The following NCOR1 variants were observed in gnomAD, a reference collection of about 807,000 sequenced individuals.
NCOR1 encodes nuclear receptor corepressor 1.
Under a neutral mutation model 288.1 loss-of-function variants are expected in NCOR1, and 63 were observed. The observed-to-expected ratio is 0.22, with a 90% CI of 0.18 to 0.27. The LOEUF is 0.27. Ranked by LOEUF, NCOR1 falls within the 10% of genes least tolerant of loss-of-function variation. The pLI is 1.00. For missense variants in NCOR1, 2,397 were observed against 3,019.2 expected, an observed-to-expected ratio of 0.79 and a Z score of 4.83; for synonymous variants, 1,007 against 1,065.9, an observed-to-expected ratio of 0.94 and a Z score of 1.08.
At chr17:16,037,638 A>AC (rs902903899) in intron 44 of NCOR1, among the ~76,000 whole-genome samples, 1 of 152,196 alleles carries the variant, frequency 6.6e-6, no homozygotes. Flanking sequence ...CTAATGACCA[A>AC]CCCCCCTTTC....
At chr17:16,167,878 A>AC (rs1169589352) in intron 4 of NCOR1, among the ~76,000 whole-genome samples, 2 of 150,704 alleles carry the variant, frequency 1.3e-5, no homozygotes, top group Non-Finnish European at 3.0e-5. Context: ...AAAAAAAAAA[A>AC]ACCACACACA....
At chr17:16,181,211 A>ATGTATGTGTGTG (rs758395387) in intron 3 of NCOR1, among the ~76,000 whole-genome samples, 23 of 139,580 alleles carry the variant, frequency 1.6e-4, no homozygotes, top group East Asian at 9.0e-4. Flanking sequence ...ATATATATGT[A>ATGTATGTGTGTG]TGTGTGTGTG....
At chr17:16,071,175 G>A (rs1195548177) in intron 30 of NCOR1, among the ~76,000 whole-genome samples, 1 of 151,994 alleles carries the variant, frequency 6.6e-6, no homozygotes, top group Admixed American at 6.5e-5. Context: ...CTACTCGGGA[G>A]GCTGAGGTGG....
chr17:16,045,245 T>C (rs2058464689), intron 42 of NCOR1, among the ~76,000 whole-genome samples: 1 of 152,190 alleles, frequency 6.6e-6, no homozygotes, highest in Non-Finnish European at 1.5e-5. Flanking sequence ...TAGAAGCCAG[T>C]TGGTCCATCA....
At chr17:16,199,972 G>C (rs866558409) in intron 1 of NCOR1, among the ~76,000 whole-genome samples, 4 of 151,898 alleles carry the variant, frequency 2.6e-5, no homozygotes, top group South Asian at 2.1e-4. Context: ...AAATGAAATT[G>C]ATCTATTTAA....
intron 18 of NCOR1, among the ~76,000 whole-genome samples, chr17:16,117,125 TA>T (rs763081852): frequency 6.6e-6 from 1 of 152,232 alleles, no homozygotes; most frequent in Admixed American, 6.5e-5. Context: ...CTCTGGTTTT[TA>T]ATATTTATAC....
chr17:16,055,521 T>C (rs559699423), intron 40 of NCOR1, among the ~76,000 whole-genome samples: 2 of 152,238 alleles, frequency 1.3e-5, no homozygotes, highest in East Asian at 1.9e-4. Context: ...CTAGGGCCTA[T>C]TGGAGGATGG....
At chr17:16,213,998 C>G (rs950288731) in intron 1 of NCOR1, among the ~76,000 whole-genome samples, 1 of 152,026 alleles carries the variant, frequency 6.6e-6, no homozygotes, top group Admixed American at 6.6e-5. Flanking sequence ...GTGCTTAAAG[C>G]AAGGCCAAGC....
rs369768419 is a variant in NCOR1 at position 16,034,753 on chromosome 17, C to A, written c.7135+12G>T. 55 of 1,594,546 alleles carry A rather than the reference C, an allele frequency of 3.4e-5. No homozygotes were observed. The highest frequency in any genetic ancestry group is 4.6e-5 in the Non-Finnish European group (54 of 1,170,596). ...CTCTGTCTCATTTTCTAAGTTAAAG[C>A]AGAATCCTTACCTGTTGAAGAGGGC... On this transcript the variant is annotated intron_variant, in intron 45 of 45. Coordinates refer to ENST00000268712, the MANE Select transcript of NCOR1 (RefSeq NM_006311.4).
In NCOR1 at chr17:16,153,403, TA is replaced by T. The variant is rs1568357967; in HGVS notation, c.733-9del. 1 of 1,575,518 alleles carries T rather than the reference TA, an allele frequency of 6.3e-7. No homozygotes were observed. The highest frequency in any genetic ancestry group is 2.2e-5 in the East Asian group (1 of 44,536). ...AGCTTCTTCTGCTTTTTTCTAGAGATAAAGACATTGTTGTATCATATAATTA... is the reference window on the plus strand; with the variant it reads ...AGCTTCTTCTGCTTTTTTCTAGAGATAAGACATTGTTGTATCATATAATTA... On this transcript the variant is annotated splice_polypyrimidine_tract_variant and intron_variant, in intron 6 of 45. Transcript: ENST00000268712.
At chr17:16,075,382 G>A in intron 27 of NCOR1, 152 bp downstream of exon 27, 3 of 775,918 alleles carry the variant, frequency 3.9e-6, no homozygotes, top group Non-Finnish European at 4.1e-6. Context: ...AAATTCTCAT[G>A]AGACAAGTAT....
chr17:16,058,204 GAA>G, intron 38 of NCOR1, 140 bp from the exon 39 acceptor site: 1 of 966,162 alleles, frequency 1.0e-6, no homozygotes, highest in Non-Finnish European at 1.4e-6. Context: ...TAATTTTGGA[GAA>G]AAAAAAAATT....
intron 3 of NCOR1, among the ~76,000 whole-genome samples, chr17:16,172,585 C>T (rs1361767342): frequency 1.3e-5 from 2 of 152,148 alleles, no homozygotes; most frequent in Admixed American, 1.3e-4. Flanking sequence ...GCTATTGCTA[C>T]AAAGAAAGAG....
intron 42 of NCOR1, among the ~76,000 whole-genome samples, chr17:16,045,493 T>A (rs2152183134): frequency 6.6e-6 from 1 of 152,216 alleles, no homozygotes; most frequent in Non-Finnish European, 1.5e-5. Context: ...TATTACTGAT[T>A]TTATATTTTT....
chr17:16,053,629 C>T (rs1308988996), intron 40 of NCOR1, among the ~76,000 whole-genome samples: 2 of 152,204 alleles, frequency 1.3e-5, no homozygotes, highest in Non-Finnish European at 2.9e-5. Flanking sequence ...CAATGCAATT[C>T]ACAAATTCAA....
At chr17:16,064,644 G>T (rs2060923861) in intron 34 of NCOR1, among the ~76,000 whole-genome samples, 1 of 151,786 alleles carries the variant, frequency 6.6e-6, no homozygotes, top group Non-Finnish European at 1.5e-5. Flanking sequence ...AGAAAAAGAA[G>T]TTTGTTTTAT....
chr17:16,118,555 T>C (rs1451737574), intron 17 of NCOR1, among the ~76,000 whole-genome samples: 10 of 152,190 alleles, frequency 6.6e-5, no homozygotes, highest in African/African-American at 1.9e-4. Context: ...CAGAAACCTA[T>C]GCAATTTAAC....
chr17:16,183,230 C>CAAAAAAAAAAAAAAA (rs59665102), intron 3 of NCOR1, among the ~76,000 whole-genome samples: 76 of 63,608 alleles, frequency 1.2e-3, no homozygotes, highest in East Asian at 2.9e-3. Context: ...AGCAATCAAA[C>CAAAAAAAAAAAAAAA]AAAAAAAAAA....
At chr17:16,065,303 T>C (rs997476329) in intron 33 of NCOR1, among the ~76,000 whole-genome samples, 182 bp downstream of exon 33, 7 of 152,220 alleles carry the variant, frequency 4.6e-5, no homozygotes, top group African/African-American at 1.4e-4. Flanking sequence ...TTAATTTCAG[T>C]ATTCACCAAA....
Sources: allele counts gnomAD v4.1 joint callset (sites outside exome capture counted in the v4.1 genomes callset), GRCh38; gene constraint gnomAD v4.1.1; transcripts MANE v1.5; gene names NCBI Gene and HGNC (gene_info 2026-07-23, HGNC 2026-07-21).